Variants in CCDC7 observed in about 807,000 individuals in gnomAD.
CCDC7 encodes the protein coiled-coil domain containing 7, also known as coiled-coil domain-containing protein 7.
A neutral mutation model predicts 196.9 loss-of-function variants in CCDC7; 183 were observed. That is an observed-to-expected ratio of 0.93 (90% CI 0.82 to 1.05). CCDC7 has a LOEUF of 1.05. Among genes scored for constraint, CCDC7 ranks in the 50% least tolerant of loss-of-function variants. The probability of loss-of-function intolerance (pLI) is 0.00; values close to 1 mark genes in which losing one functional copy is unlikely to be tolerated. For synonymous variants in CCDC7, 525 were observed against 484.6 expected, an observed-to-expected ratio of 1.08 and a Z score of -1.10; for missense variants, 1,540 against 1,482.2, an observed-to-expected ratio of 1.04 and a Z score of -0.64.
chr10:32,649,345 C>A (rs761017854), intron 20 of CCDC7, among the ~76,000 whole-genome samples: 1 of 152,098 alleles, frequency 6.6e-6, no homozygotes, highest in Admixed American at 6.6e-5. Context: ...GAAAATTGGC[C>A]CCCAATCTTT....
rs947463062 is a variant in CCDC7, at chr10:32,834,475, G to T, written c.3269-340G>T. On this transcript the variant is annotated intron_variant, in intron 32 of 41. Coordinates refer to ENST00000639629, the Ensembl canonical transcript of CCDC7. ...TCATAAACTCTCTAGGATAATTTCA[G>T]TTTGGAAAAGAGGCAGCATTGTATG... 3.8e-4 allele frequency among the ~76,000 whole-genome samples: 58 copies of T among 152,152 alleles called. 1 individual carries two copies. Among genetic ancestry groups the T allele is most frequent in the South Asian group, 1.0e-3 (5 of 4,826 alleles).
intron 21 of CCDC7, among the ~76,000 whole-genome samples, chr10:32,664,608 C>T (rs10827097): frequency 0.14 from 20,975 of 151,946 alleles, 1,751 homozygotes; most frequent in East Asian, 0.25. Context: ...TTTTTAGTGA[C>T]TGGCTTACTT....
intron 3 of CCDC7, among the ~76,000 whole-genome samples, chr10:32,461,202 A>G (rs2035549048): frequency 6.6e-6 from 1 of 152,148 alleles, no homozygotes; most frequent in South Asian, 2.1e-4. Context: ...TGATAAACCC[A>G]TCATAAGTTG....
chr10:32,510,540 A>ACAT (rs1322019658), intron 9 of CCDC7, among the ~76,000 whole-genome samples: 2 of 152,200 alleles, frequency 1.3e-5, no homozygotes, highest in Non-Finnish European at 2.9e-5. Flanking sequence ...GGCCTTGATG[A>ACAT]TGATGATATT....
chr10:32,608,501 A>T (rs543593644), intron 18 of CCDC7, among the ~76,000 whole-genome samples: 2 of 151,406 alleles, frequency 1.3e-5, no homozygotes, highest in Non-Finnish European at 2.9e-5. Flanking sequence ...TTGTGTTTCA[A>T]TTTCTATTGT....
chr10:32,568,008 T>TGTTTTTGGTTG (rs35386168), intron 15 of CCDC7, 117 bp downstream of exon 16: 1 of 674,862 alleles, frequency 1.5e-6, no homozygotes, highest in African/African-American at 2.8e-5. Flanking sequence ...GTTTTTGGGT[T>TGTTTTTGGTTG]TTTTTTTTTT....
chr10:32,805,824 C>G (rs954289739), intron 30 of CCDC7, among the ~76,000 whole-genome samples: 1 of 152,136 alleles, frequency 6.6e-6, no homozygotes, highest in African/African-American at 2.4e-5. Context: ...TCTTGCATTG[C>G]TATAAAGGAA....
chr10:32,636,765 A>T (rs188446463), intron 20 of CCDC7, among the ~76,000 whole-genome samples: 1 of 152,186 alleles, frequency 6.6e-6, no homozygotes, highest in Non-Finnish European at 1.5e-5. Flanking sequence ...GGCTGGGTCA[A>T]ATGGTATTTC....
At chr10:32,738,790 C>T (rs867254488) in intron 28 of CCDC7, among the ~76,000 whole-genome samples, 3 of 151,906 alleles carry the variant, frequency 2.0e-5, no homozygotes, top group African/African-American at 7.3e-5. Flanking sequence ...ACTTTTATTC[C>T]TTGTCTAATA....
At chr10:32,836,874 T>G (rs1054067628) in intron 33 of CCDC7, among the ~76,000 whole-genome samples, 7 of 152,100 alleles carry the variant, frequency 4.6e-5, no homozygotes, top group African/African-American at 1.4e-4. Context: ...TAGCCATATG[T>G]AGAAAGCTGA....
intron 30 of CCDC7, among the ~76,000 whole-genome samples, 176 bp downstream of exon 31, chr10:32,805,274 T>C (rs1296137561): frequency 6.6e-6 from 1 of 152,206 alleles, no homozygotes; most frequent in African/African-American, 2.4e-5. Flanking sequence ...AATGTAAAGC[T>C]AGCTAGATAT....
intron 18 of CCDC7, among the ~76,000 whole-genome samples, chr10:32,624,185 T>G (rs774522878): frequency 6.6e-6 from 1 of 152,202 alleles, no homozygotes; most frequent in Non-Finnish European, 1.5e-5. Context: ...CTCCACCACT[T>G]TCACATTTAC....
intron 28 of CCDC7, among the ~76,000 whole-genome samples, chr10:32,746,849 C>A (rs566537597): frequency 6.6e-6 from 1 of 152,344 alleles, no homozygotes; most frequent in East Asian, 1.9e-4. Flanking sequence ...CACATGGATG[C>A]CATCAGGCCA....
At chr10:32,698,061 CAG>C (rs1365214732) in intron 24 of CCDC7, among the ~76,000 whole-genome samples, 1 of 152,196 alleles carries the variant, frequency 6.6e-6, no homozygotes, top group Non-Finnish European at 1.5e-5. Context: ...CCCAGGCAAA[CAG>C]GGTCTGGAGT....
At chr10:32,526,272 G>A (rs577303791) in intron 11 of CCDC7, among the ~76,000 whole-genome samples, 1 of 152,216 alleles carries the variant, frequency 6.6e-6, no homozygotes, top group Non-Finnish European at 1.5e-5. Flanking sequence ...TTCAGCTTGT[G>A]GTGAATGCTT....
At chr10:32,504,333 G>A (rs1379918677) in intron 9 of CCDC7, among the ~76,000 whole-genome samples, 2 of 151,970 alleles carry the variant, frequency 1.3e-5, no homozygotes, top group Non-Finnish European at 1.5e-5. Flanking sequence ...AGCCAGGATG[G>A]TCTTGATCTG....
intron 32 of CCDC7, among the ~76,000 whole-genome samples, chr10:32,832,716 T>A (rs1565648936): frequency 6.6e-6 from 1 of 152,106 alleles, no homozygotes; most frequent in Non-Finnish European, 1.5e-5. Flanking sequence ...TTTCCTCACA[T>A]CATAATTTTT....
At chr10:32,579,325 A>G (rs1268841833) in intron 16 of CCDC7, among the ~76,000 whole-genome samples, 2 of 151,924 alleles carry the variant, frequency 1.3e-5, no homozygotes, top group Non-Finnish European at 2.9e-5. Context: ...TGTTTCTTGT[A>G]TGAAATATTA....
chr10:32,637,698 G>C (rs1219621960), intron 20 of CCDC7, among the ~76,000 whole-genome samples: 2 of 152,142 alleles, frequency 1.3e-5, no homozygotes, highest in Non-Finnish European at 2.9e-5. Context: ...GCTTAGAATT[G>C]ACTTGGTGAT....
Sources: allele counts gnomAD v4.1 joint callset (sites outside exome capture counted in the v4.1 genomes callset), GRCh38; gene constraint gnomAD v4.1.1; transcripts MANE v1.5; gene names NCBI Gene and HGNC (gene_info 2026-07-23, HGNC 2026-07-21).